Variants in SH2B2 observed in about 807,000 individuals in gnomAD.
The protein encoded by SH2B2 is SH2B adapter protein 2.
In SH2B2, 37 loss-of-function variants were observed where a neutral mutation model predicts 35.7. The ratio of observed to expected loss-of-function variants is 1.04; its 90% confidence interval spans 0.80 to 1.36. The LOEUF (loss-of-function observed/expected upper bound fraction) is 1.36. Among genes scored for constraint, SH2B2 ranks in the 40% most tolerant of loss-of-function variants. The pLI is 0.00. For synonymous variants in SH2B2, 383 were observed against 376.4 expected (o/e 1.02, Z -0.20); for missense variants, 852 against 817.7 (o/e 1.04, Z -0.51).
chr7:102,302,049 G>A (rs1421079883), intron 2 of SH2B2, among the ~76,000 whole-genome samples: 2 of 152,164 alleles, frequency 1.3e-5, no homozygotes, highest in African/African-American at 2.4e-5. Context: ...TCGTAAAGAC[G>A]GGATCTGACT....
chr7:102,317,622 C>T (rs1793902603), intron 7 of SH2B2, among the ~76,000 whole-genome samples: 1 of 152,230 alleles, frequency 6.6e-6, no homozygotes, highest in Non-Finnish European at 1.5e-5. Context: ...TCTGCATTCT[C>T]CAGAAGGGGA....
In SH2B2 at chr7:102,317,397, C is replaced by A; in HGVS notation, c.1395+2C>A. 1.3e-6 allele frequency: 2 copies of A among 1,567,170 alleles called. No homozygotes were observed. The highest frequency in any genetic ancestry group is 1.7e-6 in the Non-Finnish European group (2 of 1,149,156). On this transcript the variant is annotated splice_donor_variant, in intron 7 of 8. Transcript: ENST00000444095. LOFTEE classifies it high-confidence loss of function. ...TTCAACTTCCAGGGCAAGGCCAAGG[C>A]AAGTGTGTGGGGGGCGCCATGGGGG...
At chr7:102,319,600 C>T (rs1459199036) in intron 7 of SH2B2, among the ~76,000 whole-genome samples, 4 of 151,926 alleles carry the variant, frequency 2.6e-5, no homozygotes, top group African/African-American at 7.3e-5. Flanking sequence ...TGGGGCTATG[C>T]GTGTACCCTC....
intron 1 of SH2B2, among the ~76,000 whole-genome samples, chr7:102,298,748 T>C (rs1483675185): frequency 2.6e-5 from 4 of 151,964 alleles, no homozygotes; most frequent in African/African-American, 7.3e-5. Context: ...ATGTATTTTT[T>C]GTAAAGACAG....
At chr7:102,291,735 G>A (rs1247997001) in intron 1 of SH2B2, among the ~76,000 whole-genome samples, 1 of 152,228 alleles carries the variant, frequency 6.6e-6, no homozygotes, top group Non-Finnish European at 1.5e-5. Context: ...CTCTGCGGAG[G>A]TGAGCAGTAA....
At position 102,286,888 on chromosome 7, in the gene SH2B2, T is replaced by A. The variant is rs1792473734; in HGVS notation, c.-236T>A. On this transcript the variant is annotated 5_prime_UTR_variant, in exon 1 of 9. The change creates a new upstream start codon in the 5' untranslated region. Transcript: ENST00000444095. ...GGGGCGCGCCGCGCTGGGGCTGGGC[T>A]TGGAGCGCGCGGAGCTCGGCTGCCA... 6.8e-6 allele frequency: 1 copy of A among 146,196 alleles called. No homozygotes were observed. Among genetic ancestry groups the A allele is most frequent in the Non-Finnish European group, 1.5e-5 (1 of 65,994 alleles). 9.1% of individuals were successfully genotyped at this position (146,196 alleles called of 1,614,324 possible).
chr7:102,286,605 G>A (rs1386405491), upstream of SH2B2, among the ~76,000 whole-genome samples: 5 of 151,916 alleles, frequency 3.3e-5, no homozygotes, highest in African/African-American at 1.2e-4. Context: ...CCGCCCAGAT[G>A]GGGCGACTCG....
At chr7:102,309,778 A>C (rs1793547294) in intron 4 of SH2B2, among the ~76,000 whole-genome samples, 1 of 152,304 alleles carries the variant, frequency 6.6e-6, no homozygotes, top group African/African-American at 2.4e-5. Flanking sequence ...CCCAAGGCTT[A>C]AATAAAGAGT....
rs1348736722 is a variant in SH2B2 at position 102,297,226 on chromosome 7, G to A, written c.-29-3296G>A. ...CATATCCGCACTCTGGATACGACCC[G>A]CTCGCCACTTAGGAGTTGTCTGGGT... On this transcript the variant is annotated intron_variant, in intron 1 of 8. Transcript: ENST00000444095. The surrounding 1 kb of genome is among the most constrained non-coding windows in gnomAD (Gnocchi z 4.3). Among the ~76,000 whole-genome samples the A allele has an allele frequency of 1.3e-5, 2 of 151,984 alleles. No individual in the cohort carries two copies. The highest frequency in any genetic ancestry group is 2.9e-5 in the Non-Finnish European group (2 of 68,008).
At chr7:102,307,032 G>A (rs1056058865) in intron 3 of SH2B2, among the ~76,000 whole-genome samples, 5 of 152,232 alleles carry the variant, frequency 3.3e-5, no homozygotes, top group African/African-American at 4.8e-5. Flanking sequence ...CAGGTGCCTC[G>A]GGCGTCGCCC....
At position 102,300,856 on chromosome 7, in the gene SH2B2, G is replaced by A; in HGVS notation, c.306G>A (p.Ala102=). The A allele has an allele frequency of 6.8e-7, 1 of 1,461,016 alleles. No individual in the cohort carries two copies. Among genetic ancestry groups the A allele is most frequent in the Non-Finnish European group, 9.0e-7 (1 of 1,106,776 alleles). 90.5% of individuals were successfully genotyped at this position (1,461,016 alleles called of 1,614,324 possible). The part of the protein sequence containing the change: ...VSAEAMEPEL[A]DTSALKAAPY... Reference sequence around the variant, plus strand: ...CAGAGGCCATGGAGCCGGAGCTCGCGGACACCTCTGCACTCAAGGCGGCGC... The same window carrying A: ...CAGAGGCCATGGAGCCGGAGCTCGCAGACACCTCTGCACTCAAGGCGGCGC... The change falls in exon 2 of 9, where the codon GCG becomes GCA. Residue 102 remains alanine (A), a synonymous_variant. Transcript: ENST00000444095.
intron 4 of SH2B2, among the ~76,000 whole-genome samples, chr7:102,310,666 CT>C (rs1306806173): frequency 2.9e-4 from 44 of 152,326 alleles, no homozygotes; most frequent in African/African-American, 1.1e-3. Context: ...TAATTAACAG[CT>C]TCATTTAAAG....
At position 102,297,874 on chromosome 7, in the gene SH2B2, AG is replaced by A. The variant is rs1554552796; in HGVS notation, c.-29-2646del. On this transcript the variant is annotated intron_variant, in intron 1 of 8. Coordinates refer to ENST00000444095, the MANE Select transcript of SH2B2 (RefSeq NM_001359228.2). This position sits in a 1 kb window ranked among gnomAD's most constrained non-coding sequence, Gnocchi z 4.3. ...CGGCAATAAGGATAATGGTGAAAAT[AG>A]GCAGAGTGCATGAACGCATCAGAGG... Among the ~76,000 whole-genome samples the A allele has an allele frequency of 6.6e-6, 1 of 152,218 alleles. No homozygotes were observed. The highest frequency in any genetic ancestry group is 2.4e-5 in the African/African-American group (1 of 41,444).
rs1563571281 is a variant in SH2B2, at chr7:102,320,338, GC to G, written c.1405del (p.Leu469CysfsTer3). 1 of 1,610,754 alleles carries G rather than the reference GC, an allele frequency of 6.2e-7. No homozygotes were observed. The highest frequency in any genetic ancestry group is 1.1e-5 in the South Asian group (1 of 91,074). ...ACCCACCTGTACCCACAGCACCTGC[GC>G]CTGTCCCTGAACGGCCACGGCCAGT... Reference protein sequence around the residue: ...FNFQGKAKHLRLSLNGHGQCH... With the variant: ...FNFQGKAKHLXLSLNGHGQCH... On this transcript the variant is annotated frameshift_variant, in exon 8 of 9. Coordinates refer to ENST00000444095, the MANE Select transcript of SH2B2 (RefSeq NM_001359228.2). LOFTEE classifies it high-confidence loss of function.
upstream of SH2B2, chr7:102,286,801 C>G (rs1394100363): frequency 1.4e-5 from 1 of 73,026 alleles, no homozygotes; most frequent in Non-Finnish European, 2.8e-5. Flanking sequence ...GGGGGCGGGG[C>G]CGGGGCTCGC....
chr7:102,300,917 A>G lies in SH2B2; in HGVS notation c.367A>G (p.Thr123Ala). Residue 123 changes from threonine to alanine, a missense_variant, in exon 2 of 9, where the codon ACG becomes GCG. This residue lies in a region of SH2B2 where 294 missense variants were observed against 286.6 expected (regional missense o/e 1.03). Coordinates refer to ENST00000444095, the MANE Select transcript of SH2B2 (RefSeq NM_001359228.2). ...GHSRSSEDVS[T>A]HAATKARVRK... ...CTCGCGGAGCTCGGAGGACGTGTCCACGCACGCGGCCACCAAGGCCCGCGT... is the reference window on the plus strand; with the variant it reads ...CTCGCGGAGCTCGGAGGACGTGTCCGCGCACGCGGCCACCAAGGCCCGCGT... 1 of 1,486,226 alleles carries G rather than the reference A, an allele frequency of 6.7e-7. No individual in the cohort carries two copies. Among genetic ancestry groups the G allele is most frequent in the South Asian group, 1.3e-5 (1 of 78,334 alleles). The allele number at this position is 1,486,226 out of a possible 1,614,324, so 92.1% of individuals were successfully genotyped here.
At chr7:102,301,516 G>A (rs1437370286) in intron 2 of SH2B2, among the ~76,000 whole-genome samples, 1 of 152,012 alleles carries the variant, frequency 6.6e-6, no homozygotes, top group African/African-American at 2.4e-5. Flanking sequence ...AAAGGGTTCT[G>A]GGGCACTAAT....
intron 4 of SH2B2, chr7:102,309,215 T>A (rs1210464293): frequency 3.7e-6 from 2 of 537,652 alleles, no homozygotes; most frequent in African/African-American, 3.8e-5. Flanking sequence ...TGGCAGTGAG[T>A]CCCCAAAGGG....
rs1385359790 is a variant in SH2B2 at position 102,314,438 on chromosome 7, G to C, written c.1015+11G>C. Reference sequence around the variant, plus strand: ...AGCTCCTGACTGATGGTAGGTAGGGGGACAGGGTTGAAGGAGGGGCACACT... The same window carrying C: ...AGCTCCTGACTGATGGTAGGTAGGGCGACAGGGTTGAAGGAGGGGCACACT... On this transcript the variant is annotated intron_variant, in intron 5 of 8. Transcript: ENST00000444095. 1 of 398,654 alleles carries C rather than the reference G, an allele frequency of 2.5e-6. No individual in the cohort carries two copies. Among genetic ancestry groups the C allele is most frequent in the Non-Finnish European group, 4.4e-6 (1 of 226,220 alleles). The allele number at this position is 398,654 out of a possible 1,614,324, so 24.7% of individuals were successfully genotyped here. A position where few individuals can be genotyped will look rare whatever the true frequency, so the allele number is the denominator to read the frequency against.
Sources: allele counts gnomAD v4.1 joint callset (sites outside exome capture counted in the v4.1 genomes callset), GRCh38; gene constraint gnomAD v4.1.1; regional missense constraint gnomAD v4.1.1; non-coding constraint Gnocchi (gnomAD v3.1); transcripts MANE v1.5; gene names NCBI Gene and HGNC (gene_info 2026-07-23, HGNC 2026-07-21).